Variants in TBC1D5 observed in about 807,000 individuals in gnomAD.
The protein encoded by TBC1D5 is TBC1 domain family, member 5.
TBC1D5 carries 75 observed loss-of-function variants against 100.3 expected under a neutral mutation model. That is an observed-to-expected ratio of 0.75 (90% confidence interval 0.62 to 0.91). The LOEUF is 0.91. TBC1D5 is among the 40% of genes least tolerant of loss of function. TBC1D5 has a pLI of 0.00. For synonymous variants in TBC1D5, 323 were observed against 325.6 expected, an observed-to-expected ratio of 0.99 and a Z score of 0.09; for missense variants, 910 against 942.4, an observed-to-expected ratio of 0.97 and a Z score of 0.45.
intron 1 of TBC1D5, among the ~76,000 whole-genome samples, chr3:17,691,011 A>G (rs2071077955): frequency 6.6e-6 from 1 of 152,254 alleles, no homozygotes; most frequent in Admixed American, 6.5e-5. Context: ...CATATAAGCT[A>G]TAAATAAAGG....
chr3:17,404,935 G>T, exon 6 of TBC1D5: 1 of 1,597,662 alleles, frequency 6.3e-7, no homozygotes, highest in Non-Finnish European at 8.5e-7. Context: ...ATTGACTTTT[G>T]TCTTGAGGAA....
intron 14 of TBC1D5, among the ~76,000 whole-genome samples, chr3:17,294,047 T>G (rs376234187): frequency 1.1e-4 from 17 of 152,338 alleles, no homozygotes; most frequent in African/African-American, 4.1e-4. Flanking sequence ...TTACAAGACA[T>G]TTGTTTTGAA....
chr3:17,557,138 T>G (rs1023344542), intron 2 of TBC1D5, among the ~76,000 whole-genome samples: 1 of 152,198 alleles, frequency 6.6e-6, no homozygotes, highest in African/African-American at 2.4e-5. Context: ...TGGTATCAAT[T>G]CTGACTATTT....
At chr3:17,619,324 G>C (rs2062455464) in intron 2 of TBC1D5, among the ~76,000 whole-genome samples, 1 of 152,098 alleles carries the variant, frequency 6.6e-6, no homozygotes, top group Non-Finnish European at 1.5e-5. Context: ...AAAATAAATA[G>C]ATATGAGGGG....
chr3:17,223,307 A>G (rs537218633), intron 17 of TBC1D5, among the ~76,000 whole-genome samples: 50 of 152,268 alleles, frequency 3.3e-4, no homozygotes, highest in East Asian at 7.7e-4. Flanking sequence ...CTCTACATAC[A>G]TATTTCCCTA....
At chr3:17,420,996 TAACTC>T (rs1307509201) in intron 4 of TBC1D5, among the ~76,000 whole-genome samples, 2 of 152,068 alleles carry the variant, frequency 1.3e-5, no homozygotes, top group Admixed American at 6.5e-5. Flanking sequence ...TAAAGGAAAA[TAACTC>T]AAACTGTAAC....
chr3:17,716,121 T>C, intron 1 of TBC1D5, among the ~76,000 whole-genome samples: 1 of 152,126 alleles, frequency 6.6e-6, no homozygotes, highest in Non-Finnish European at 1.5e-5. Flanking sequence ...ATGAGGTCCT[T>C]AGATGAAATG....
intron 2 of TBC1D5, among the ~76,000 whole-genome samples, chr3:17,522,448 A>T (rs2096073531): frequency 6.6e-6 from 1 of 152,182 alleles, no homozygotes; most frequent in South Asian, 2.1e-4. Flanking sequence ...GAGAGGAGCT[A>T]ATTATAAAAG....
intron 1 of TBC1D5, among the ~76,000 whole-genome samples, chr3:17,648,396 A>G (rs962462790): frequency 1.3e-5 from 2 of 152,212 alleles, no homozygotes; most frequent in Non-Finnish European, 2.9e-5. Context: ...CCTAGGCAGT[A>G]CCATTCAGGA....
At chr3:17,275,547 A>C (rs542550631) in intron 15 of TBC1D5, among the ~76,000 whole-genome samples, 65 of 152,240 alleles carry the variant, frequency 4.3e-4, no homozygotes, top group Middle Eastern at 3.4e-3. Context: ...CTCTTTAAAC[A>C]AACCAACCAA....
At chr3:17,412,220 T>C (rs1575771099) in intron 4 of TBC1D5, among the ~76,000 whole-genome samples, 1 of 150,946 alleles carries the variant, frequency 6.6e-6, no homozygotes, top group East Asian at 1.9e-4. Flanking sequence ...AGTAGCACCA[T>C]AGCCACTGAA....
intron 21 of TBC1D5, among the ~76,000 whole-genome samples, chr3:17,165,122 A>G (rs2066460307): frequency 6.6e-6 from 1 of 152,184 alleles, no homozygotes. Flanking sequence ...ACAAGGGTGC[A>G]GTTTCATTCA....
intron 1 of TBC1D5, among the ~76,000 whole-genome samples, chr3:17,705,175 GCAC>G (rs2073911769): frequency 3.0e-5 from 3 of 98,594 alleles, no homozygotes; most frequent in Non-Finnish European, 6.6e-5. Context: ...CTCCCGGACG[GCAC>G]GGCTGGCCAG....
chr3:17,563,878 C>A (rs186949843), intron 2 of TBC1D5, among the ~76,000 whole-genome samples: 1 of 152,138 alleles, frequency 6.6e-6, no homozygotes. Context: ...CGCCTCCTGG[C>A]TTCACGCCAT....
In TBC1D5 at chr3:17,238,430, A is replaced by G. The variant is rs1268934164; in HGVS notation, c.1332-11T>C. 9 of 1,602,556 alleles carry G rather than the reference A, an allele frequency of 5.6e-6. No individual in the cohort carries two copies. Among genetic ancestry groups the G allele is most frequent in the Non-Finnish European group, 7.7e-6 (9 of 1,173,868 alleles). On this transcript the variant is annotated splice_polypyrimidine_tract_variant and intron_variant, in intron 16 of 21. Transcript: ENST00000253692. ...CCTTTGGCATTGGTCCTGTTAAAAA[A>G]AGAAATGGAGAAGCATTATTTACAT... is the stretch of plus-strand genomic sequence containing the variant.
At chr3:17,234,161 T>C (rs1410237899) in intron 17 of TBC1D5, among the ~76,000 whole-genome samples, 1 of 152,156 alleles carries the variant, frequency 6.6e-6, no homozygotes, top group Non-Finnish European at 1.5e-5. Flanking sequence ...AGACAAAATT[T>C]ATTTTTAACT....
chr3:17,410,274 T>C (rs1228389738), intron 4 of TBC1D5, among the ~76,000 whole-genome samples: 1 of 152,098 alleles, frequency 6.6e-6, no homozygotes, highest in Non-Finnish European at 1.5e-5. Context: ...TTAAGCCCAT[T>C]TTTGGAAACT....
chr3:17,407,846 A>T (rs1463887191), intron 4 of TBC1D5, among the ~76,000 whole-genome samples: 1 of 152,158 alleles, frequency 6.6e-6, no homozygotes, highest in East Asian at 1.9e-4. Context: ...CCCATGCTGG[A>T]AGAAATGCAT....
At chr3:17,172,609 T>C (rs1240048962) in intron 19 of TBC1D5, among the ~76,000 whole-genome samples, 1 of 152,244 alleles carries the variant, frequency 6.6e-6, no homozygotes, top group Non-Finnish European at 1.5e-5. Context: ...AAGGGGAAAC[T>C]GTCACATAAC....
Sources: allele counts gnomAD v4.1 joint callset (sites outside exome capture counted in the v4.1 genomes callset), GRCh38; gene constraint gnomAD v4.1.1; transcripts MANE v1.5; gene names NCBI Gene and HGNC (gene_info 2026-07-23, HGNC 2026-07-21).